The following PALM2AKAP2 variants were observed in gnomAD, a reference collection of about 807,000 sequenced individuals.
PALM2AKAP2 encodes the protein PALM2-AKAP2 fusion protein.
Under a neutral mutation model 71.5 loss-of-function variants are expected in PALM2AKAP2, and 37 were observed. The observed-to-expected ratio is 0.52, with a 90% CI of 0.40 to 0.68. The LOEUF is 0.68. Among genes scored for constraint, PALM2AKAP2 ranks in the 30% least tolerant of loss-of-function variants. PALM2AKAP2 has a pLI of 0.00. For synonymous variants in PALM2AKAP2, 468 were observed against 478.8 expected, an observed-to-expected ratio of 0.98 and a Z score of 0.29; for missense variants, 1,224 against 1,191.8, an observed-to-expected ratio of 1.03 and a Z score of -0.40.
intron 2 of PALM2AKAP2, among the ~76,000 whole-genome samples, chr9:110,139,941 C>T (rs1335910534): frequency 2.0e-5 from 3 of 152,142 alleles, no homozygotes; most frequent in Non-Finnish European, 2.9e-5. Context: ...ACAGGTAGCA[C>T]GTGGTATTAG....
At chr9:109,658,591 C>T (rs566166546) in intron 1 of PALM2AKAP2, among the ~76,000 whole-genome samples, 1 of 152,210 alleles carries the variant, frequency 6.6e-6, no homozygotes, top group South Asian at 2.1e-4. Context: ...ATACCTGAGA[C>T]TGGGTAATTT....
chr9:110,037,100 C>G (rs749870623), intron 7 of PALM2AKAP2, among the ~76,000 whole-genome samples: 4 of 151,786 alleles, frequency 2.6e-5, no homozygotes, highest in Non-Finnish European at 4.4e-5. Context: ...TGACATTCTT[C>G]TCTTGCTTAT....
chr9:109,657,375 A>C (rs190888460), intron 1 of PALM2AKAP2, among the ~76,000 whole-genome samples: 53 of 152,264 alleles, frequency 3.5e-4, no homozygotes, highest in African/African-American at 1.1e-3. Context: ...CTAAGAAGGA[A>C]GCTTTGCTTG....
At chr9:109,942,196 G>A (rs1831386326) in intron 6 of PALM2AKAP2, among the ~76,000 whole-genome samples, 2 of 152,226 alleles carry the variant, frequency 1.3e-5, no homozygotes, top group Non-Finnish European at 2.9e-5. Context: ...GTACAGTGGA[G>A]GATAGCCATG....
At chr9:109,930,401 T>C (rs1274307411) in intron 5 of PALM2AKAP2, among the ~76,000 whole-genome samples, 1 of 152,164 alleles carries the variant, frequency 6.6e-6, no homozygotes, top group African/African-American at 2.4e-5. Flanking sequence ...AATTTTTGTA[T>C]TTTTAGTAGA....
intron 3 of PALM2AKAP2, among the ~76,000 whole-genome samples, chr9:110,162,439 A>G (rs1183402090): frequency 1.3e-5 from 2 of 152,158 alleles, no homozygotes; most frequent in Non-Finnish European, 2.9e-5. Flanking sequence ...GTGATGGGCT[A>G]TTTTGGTTTT....
At position 109,866,243 on chromosome 9, in the gene PALM2AKAP2, G is replaced by A. The variant is rs1041077941; in HGVS notation, c.46-1248G>A. Among the ~76,000 whole-genome samples the A allele has an allele frequency of 3.9e-5, 6 of 152,138 alleles. 1 individual carries two copies. The highest frequency in any genetic ancestry group is 4.1e-4 in the South Asian group (2 of 4,826). On this transcript the variant is annotated intron_variant, in intron 1 of 9. Coordinates refer to the PALM2AKAP2 transcript ENST00000302798. ...GCGACTACATAAAATAAAAGCTTCC[G>A]TTAACACTGAGCACAGCAGCCAGGC... is the stretch of plus-strand genomic sequence containing the variant.
chr9:109,762,157 A>ATTT (rs58791123), intron 1 of PALM2AKAP2, among the ~76,000 whole-genome samples: 18 of 148,562 alleles, frequency 1.2e-4, no homozygotes, highest in Admixed American at 2.7e-4. Context: ...GAAGGACAGA[A>ATTT]TTTTTTTTTT....
At chr9:109,700,594 A>G (rs1316686724) in intron 1 of PALM2AKAP2, among the ~76,000 whole-genome samples, 1 of 152,208 alleles carries the variant, frequency 6.6e-6, no homozygotes, top group Non-Finnish European at 1.5e-5. Flanking sequence ...CAACTGCCCC[A>G]TGACATCTCA....
intron 1 of PALM2AKAP2, among the ~76,000 whole-genome samples, chr9:109,745,609 T>TGGCC (rs1309236830): frequency 6.6e-6 from 1 of 152,090 alleles, no homozygotes; most frequent in East Asian, 1.9e-4. Context: ...TGTTATTCAG[T>TGGCC]GGCCACATTT....
intron 1 of PALM2AKAP2, among the ~76,000 whole-genome samples, chr9:109,839,577 G>A (rs1469491839): frequency 1.3e-5 from 2 of 152,152 alleles, no homozygotes; most frequent in Non-Finnish European, 2.9e-5. Flanking sequence ...ATTCAATTAG[G>A]AAAAGAGGAA....
intron 1 of PALM2AKAP2, among the ~76,000 whole-genome samples, chr9:109,782,917 A>G (rs535959710): frequency 6.6e-6 from 1 of 152,216 alleles, no homozygotes; most frequent in East Asian, 1.9e-4. Flanking sequence ...TGACTCTCTC[A>G]TCACTTTCCT....
chr9:109,879,487 G>T (rs1202092328), intron 2 of PALM2AKAP2, among the ~76,000 whole-genome samples: 4 of 152,136 alleles, frequency 2.6e-5, no homozygotes, highest in African/African-American at 7.2e-5. Flanking sequence ...GCCATCTAGG[G>T]ACCATATAAG....
chr9:109,818,962 C>T, intron 1 of PALM2AKAP2, among the ~76,000 whole-genome samples: 1 of 152,036 alleles, frequency 6.6e-6, no homozygotes, highest in Non-Finnish European at 1.5e-5. Context: ...ATTTTTGTAA[C>T]CAGTCAAAAG....
At chr9:109,866,511 T>A (rs1322396949) in intron 1 of PALM2AKAP2, among the ~76,000 whole-genome samples, 1 of 152,110 alleles carries the variant, frequency 6.6e-6, no homozygotes, top group Non-Finnish European at 1.5e-5. Context: ...ATTGGAGAAG[T>A]ATAGAGAAGA....
chr9:109,949,207 A>G (rs574400383), intron 6 of PALM2AKAP2, among the ~76,000 whole-genome samples: 1 of 152,348 alleles, frequency 6.6e-6, no homozygotes, highest in South Asian at 2.1e-4. Flanking sequence ...TCAGGGAGAC[A>G]GGCCACATGG....
At chr9:109,950,787 G>A (rs1178912432) in intron 6 of PALM2AKAP2, among the ~76,000 whole-genome samples, 1 of 138,346 alleles carries the variant, frequency 7.2e-6, no homozygotes, top group Non-Finnish European at 1.6e-5. Context: ...CTGTCATGGA[G>A]ACAACTCCAA....
chr9:109,825,132 A>C (rs1437280711), intron 1 of PALM2AKAP2, among the ~76,000 whole-genome samples: 2 of 152,252 alleles, frequency 1.3e-5, no homozygotes, highest in Non-Finnish European at 2.9e-5. Context: ...ATTGAATTTA[A>C]AGTACAGTTT....
chr9:109,767,810 G>A (rs928720522), intron 1 of PALM2AKAP2, among the ~76,000 whole-genome samples: 1 of 146,572 alleles, frequency 6.8e-6, no homozygotes, highest in African/African-American at 2.4e-5. Context: ...TACTCTTAAT[G>A]TCTCTCTCCC....
Sources: gnomAD v4.1 joint callset for allele counts (sites outside exome capture counted in the v4.1 genomes callset) on GRCh38, gnomAD v4.1.1 for gene constraint, MANE v1.5 for transcripts, NCBI Gene and HGNC (gene_info 2026-07-23, HGNC 2026-07-21) for gene names.